AZIN2: variants seen among roughly 807,000 people sequenced by gnomAD.
The protein encoded by AZIN2 is antizyme inhibitor 2.
AZIN2 carries 28 observed loss-of-function variants against 47.8 expected under a neutral mutation model. That is an observed-to-expected ratio of 0.59 (90% confidence interval 0.43 to 0.80). AZIN2 has a LOEUF of 0.80. AZIN2 is among the 30% of genes least tolerant of loss of function. The pLI, the probability that AZIN2 is intolerant of heterozygous loss-of-function variation, is 0.00. For synonymous variants in AZIN2, 221 were observed against 239.4 expected (o/e 0.92, Z 0.71); for missense variants, 535 against 582.5 (o/e 0.92, Z 0.84).
Position 33,081,862 on chromosome 1 carries a change from T to G in AZIN2, c.-73+50T>G. ...GCCCTGGAAACTTCCCCACCCAAGT[T>G]TCTCAGATTTTCTGTTCCATCTCTC... On this transcript the variant is annotated intron_variant, in intron 3 of 11. Coordinates refer to ENST00000294517, the MANE Select transcript of AZIN2 (RefSeq NM_052998.4). The surrounding 1 kb of genome is among the most constrained non-coding windows in gnomAD (Gnocchi z 4.2). The G allele has an allele frequency of 3.8e-6, 1 of 262,238 alleles. No homozygotes were observed. 16.2% of individuals were successfully genotyped at this position (262,238 alleles called of 1,614,324 possible).
chr1:33,145,413 A>C, the AZIN2 span: 2 of 161,940 alleles, frequency 1.2e-5, no homozygotes, highest in South Asian at 3.4e-4. Context: ...GACATCTGTA[A>C]CTTTAATTTA....
the AZIN2 span, among the ~76,000 whole-genome samples, chr1:33,160,535 G>A: frequency 2.0e-5 from 3 of 152,030 alleles, no homozygotes; most frequent in Non-Finnish European, 4.4e-5. Flanking sequence ...CTCCCTAGTA[G>A]CTGGGATTAC....
chr1:33,145,120 C>A, the AZIN2 span, among the ~76,000 whole-genome samples: 6 of 152,292 alleles, frequency 3.9e-5, no homozygotes, highest in African/African-American at 1.4e-4. Flanking sequence ...CTGCCTGCTC[C>A]CAAGACTACC....
At chr1:33,092,721 G>A (rs984838164) in intron 6 of AZIN2, among the ~76,000 whole-genome samples, 11 of 152,146 alleles carry the variant, frequency 7.2e-5, no homozygotes, top group African/African-American at 2.4e-4. Context: ...TGTGGCTGAC[G>A]CATGCTATGT....
intron 10 of AZIN2, 63 bp from the exon 11 acceptor site, chr1:33,117,839 G>A: frequency 6.4e-7 from 1 of 1,573,696 alleles, no homozygotes; most frequent in Middle Eastern, 1.7e-4. Context: ...GCTTTTGAGG[G>A]AGGGAGTGGC....
the AZIN2 span, chr1:33,147,317 A>G: frequency 1.1e-5 from 18 of 1,614,212 alleles, no homozygotes; most frequent in Non-Finnish European, 1.5e-5. The surrounding 1 kb of genome is among the most constrained non-coding windows in gnomAD (Gnocchi z 8.1). Context: ...TCAGCATTGT[A>G]GAAGATGAGC....
intron 5 of AZIN2, among the ~76,000 whole-genome samples, chr1:33,091,831 A>G (rs903647873): frequency 1.3e-5 from 2 of 152,208 alleles, no homozygotes; most frequent in African/African-American, 4.8e-5. Flanking sequence ...AGGATTGTTC[A>G]GTGTACCACC....
At chr1:33,141,687 G>A in the AZIN2 span, among the ~76,000 whole-genome samples, 1 of 152,124 alleles carries the variant, frequency 6.6e-6, no homozygotes, top group African/African-American at 2.4e-5. Flanking sequence ...GGAGGGGGGA[G>A]CATTTTGTAA....
chr1:33,136,596 C>T, the AZIN2 span, among the ~76,000 whole-genome samples: 1 of 151,340 alleles, frequency 6.6e-6, no homozygotes, highest in Admixed American at 6.6e-5. Flanking sequence ...TCTTGAACTC[C>T]TGGCCTCAAG....
At chr1:33,138,636 A>G in the AZIN2 span, among the ~76,000 whole-genome samples, 26 of 147,892 alleles carry the variant, frequency 1.8e-4, no homozygotes, top group African/African-American at 5.3e-4. Context: ...CAAAAAAAAA[A>G]AAAAAAAAAG....
the AZIN2 span, among the ~76,000 whole-genome samples, chr1:33,135,263 G>T: frequency 6.6e-6 from 1 of 152,166 alleles, no homozygotes; most frequent in Non-Finnish European, 1.5e-5. Flanking sequence ...ACTCCTGCCT[G>T]GGTGACAGAG....
chr1:33,089,859 A>T (rs72656214), intron 5 of AZIN2, among the ~76,000 whole-genome samples: 3,296 of 152,106 alleles, frequency 0.022, 69 homozygotes, highest in Non-Finnish European at 0.032. Context: ...GCTAAAAATG[A>T]CTCTTATGCC....
downstream of AZIN2, among the ~76,000 whole-genome samples, chr1:33,124,407 A>C (rs1457821855): frequency 7.0e-6 from 1 of 142,540 alleles, no homozygotes; most frequent in Non-Finnish European, 1.6e-5. This position sits in a 1 kb window ranked among gnomAD's most constrained non-coding sequence, Gnocchi z 4.6. Context: ...TCAAAATAAA[A>C]AAAAGAAAAA....
At chr1:33,159,001 C>A in the AZIN2 span, among the ~76,000 whole-genome samples, 1 of 151,990 alleles carries the variant, frequency 6.6e-6, no homozygotes, top group African/African-American at 2.4e-5. The surrounding 1 kb of genome is among the most constrained non-coding windows in gnomAD (Gnocchi z 4.2). Context: ...CCACCACGCC[C>A]GGCTAATTTT....
the AZIN2 span, among the ~76,000 whole-genome samples, chr1:33,151,365 G>C: frequency 6.6e-6 from 1 of 152,120 alleles, no homozygotes; most frequent in South Asian, 2.1e-4. Flanking sequence ...ACCCCAAGGG[G>C]TGAGGCTGGG....
the AZIN2 span, among the ~76,000 whole-genome samples, chr1:33,160,286 A>G: frequency 6.6e-6 from 1 of 152,082 alleles, no homozygotes; most frequent in Non-Finnish European, 1.5e-5. Flanking sequence ...GGAGCTGGGG[A>G]TAATGCCCAG....
intron 11 of AZIN2, 124 bp from the exon 12 acceptor site, chr1:33,119,920 G>T (rs1474888143): frequency 2.2e-6 from 3 of 1,361,376 alleles, no homozygotes; most frequent in Non-Finnish European, 3.0e-6. Context: ...GCCTGTCCCT[G>T]CCCCTGCCCT....
chr1:33,162,968 AG>A, the AZIN2 span: 1 of 152,150 alleles, frequency 6.6e-6, no homozygotes, highest in South Asian at 2.1e-4. Flanking sequence ...CTCACTGATA[AG>A]ATTGAGATAA....
intron 5 of AZIN2, among the ~76,000 whole-genome samples, chr1:33,086,877 ATT>A: frequency 6.6e-6 from 1 of 151,750 alleles, no homozygotes; most frequent in East Asian, 1.9e-4. Context: ...GTCTGCCCCC[ATT>A]TTTTCTTTCC....
Sources: allele counts gnomAD v4.1 joint callset (sites outside exome capture counted in the v4.1 genomes callset), GRCh38; gene constraint gnomAD v4.1.1; non-coding constraint Gnocchi (gnomAD v3.1); transcripts MANE v1.5; gene names NCBI Gene and HGNC (gene_info 2026-07-23, HGNC 2026-07-21).